C12orf76: variants seen among roughly 807,000 people sequenced by gnomAD.
C12orf76 encodes uncharacterized protein C12orf76.
C12orf76 carries 6 observed loss-of-function variants against 6.8 expected under a neutral mutation model. That is an observed-to-expected ratio of 0.88 (90% CI 0.48 to 1.73). The LOEUF (loss-of-function observed/expected upper bound fraction) is 1.73, where lower values mean the gene tolerates loss of function less well. Among genes scored for constraint, C12orf76 ranks in the 40% most tolerant of loss-of-function variants. C12orf76 has a pLI of 0.01. For missense variants in C12orf76, 99 were observed against 98.2 expected (o/e 1.01, Z -0.03); for synonymous variants, 56 against 43.7 (o/e 1.28, Z -1.11).
upstream of C12orf76, among the ~76,000 whole-genome samples, chr12:110,052,087 G>A (rs1892586635): frequency 2.0e-5 from 3 of 149,478 alleles, no homozygotes; most frequent in South Asian, 2.1e-4. Context: ...TAGTAGAGAC[G>A]GGGTTTCACC....
chr12:110,071,068 C>T (rs1254303450), upstream of C12orf76, among the ~76,000 whole-genome samples: 1 of 152,198 alleles, frequency 6.6e-6, no homozygotes, highest in African/African-American at 2.4e-5. Flanking sequence ...AGCCACCATG[C>T]CCGGCCCAGT....
intron 1 of C12orf76, chr12:110,067,461 T>C (rs1255983817): frequency 1.0e-6 from 1 of 985,314 alleles, no homozygotes; most frequent in Admixed American, 6.1e-5. Context: ...GAAGACCTTG[T>C]AACAGATCAC....
At chr12:110,070,357 A>C (rs1478111831), upstream of C12orf76, among the ~76,000 whole-genome samples, 1 of 152,204 alleles carries the variant, frequency 6.6e-6, no homozygotes, top group African/African-American at 2.4e-5. Context: ...TGAGGCCAGG[A>C]GTTTGAGACC....
intron 3 of C12orf76, chr12:110,057,304 T>C (rs1464421183): frequency 1.3e-6 from 2 of 1,595,346 alleles, no homozygotes; most frequent in Non-Finnish European, 1.7e-6. Context: ...CTCCTAAGGT[T>C]CCAGAGCAAA....
chr12:110,044,873 T>C (rs1892407425), intron 1 of C12orf76, among the ~76,000 whole-genome samples: 2 of 151,880 alleles, frequency 1.3e-5, no homozygotes, highest in East Asian at 3.9e-4. Context: ...CTTGGGAGGC[T>C]GAGGCAGGAG....
At chr12:110,066,231 G>C (rs1892856843) in intron 1 of C12orf76, among the ~76,000 whole-genome samples, 1 of 151,518 alleles carries the variant, frequency 6.6e-6, no homozygotes, top group Non-Finnish European at 1.5e-5. Context: ...AATTAGCCTG[G>C]TGTGGTGGCA....
chr12:110,067,564 C>T, exon 1 of C12orf76: 1 of 985,538 alleles, frequency 1.0e-6, no homozygotes, highest in Non-Finnish European at 1.2e-6. Context: ...GGATGTGGTT[C>T]AGTAGGGCTC....
chr12:110,057,378 C>T (rs1262928544), intron 3 of C12orf76: 5 of 874,170 alleles, frequency 5.7e-6, no homozygotes, highest in Non-Finnish European at 7.6e-6. Flanking sequence ...TCATGACTAA[C>T]CCAGGGCCAA....
chr12:110,043,111 G>C (rs1342054539), intron 1 of C12orf76, among the ~76,000 whole-genome samples: 1 of 151,952 alleles, frequency 6.6e-6, no homozygotes, highest in African/African-American at 2.4e-5. Context: ...TACGAGTGAG[G>C]CTCTGCAGGG....
At chr12:110,061,664 G>A (rs1325668129) in intron 2 of C12orf76, among the ~76,000 whole-genome samples, 2 of 151,818 alleles carry the variant, frequency 1.3e-5, no homozygotes, top group African/African-American at 2.4e-5. Flanking sequence ...AGCCTCCTGA[G>A]TAGCTGGGAT....
At chr12:110,048,594 C>G, upstream of C12orf76, 1 of 1,319,216 alleles carries the variant, frequency 7.6e-7, no homozygotes, top group Non-Finnish European at 9.6e-7. Flanking sequence ...GCCCTTAGGG[C>G]GCGCGTCATT....
chr12:110,051,352 G>T, upstream of C12orf76: 1 of 678,470 alleles, frequency 1.5e-6, no homozygotes, highest in South Asian at 1.6e-5. Flanking sequence ...AGGATCAAAT[G>T]ATATATGTCT....
chr12:110,069,312 C>A (rs995356058), upstream of C12orf76, among the ~76,000 whole-genome samples: 5 of 152,018 alleles, frequency 3.3e-5, no homozygotes, highest in Admixed American at 3.3e-4. Flanking sequence ...TGGTGGCGGG[C>A]GCCTGTAGTC....
chr12:110,065,645 G>A (rs1365506258), intron 2 of C12orf76, among the ~76,000 whole-genome samples: 2 of 152,104 alleles, frequency 1.3e-5, no homozygotes, highest in African/African-American at 4.8e-5. Flanking sequence ...TGCATCTGGT[G>A]ACTCCAGCAA....
In C12orf76 at chr12:110,042,272, T is replaced by G; in HGVS notation, c.*102A>C. 3.5e-6 allele frequency: 3 copies of G among 867,960 alleles called. No individual in the cohort carries two copies. In the Admixed American group the frequency reaches 5.6e-5, roughly 16 times the overall value. 53.8% of individuals were successfully genotyped at this position (867,960 alleles called of 1,614,324 possible). A position where few individuals can be genotyped will look rare whatever the true frequency, so the allele number is the denominator to read the frequency against. ...ATTTACCAACTGTCCAGACCAAAGG[T>G]CATTTCCAAGTAGGAAAGTTTTGGT... On this transcript the variant is annotated 3_prime_UTR_variant, in exon 2 of 2. Transcript: ENST00000615315.
chr12:110,064,871 A>C (rs893506818), intron 2 of C12orf76, among the ~76,000 whole-genome samples: 2 of 152,204 alleles, frequency 1.3e-5, no homozygotes, highest in Admixed American at 1.3e-4. Flanking sequence ...CGGTATCCCC[A>C]GTGGCCTGTG....
At chr12:110,044,973 C>T (rs970794910) in intron 1 of C12orf76, among the ~76,000 whole-genome samples, 2 of 150,552 alleles carry the variant, frequency 1.3e-5, no homozygotes, top group Admixed American at 1.3e-4. Context: ...AACTCCGTCT[C>T]AAAATAAAAA....
intron 1 of C12orf76, chr12:110,042,733 A>G: frequency 1.6e-6 from 1 of 628,932 alleles, no homozygotes; most frequent in East Asian, 2.7e-5. Flanking sequence ...AGAAGGGGGG[A>G]CAGTCAGGAA....
At chr12:110,048,780 C>T, upstream of C12orf76, 1 of 649,886 alleles carries the variant, frequency 1.5e-6, no homozygotes, top group South Asian at 6.7e-5. Context: ...TTCCCTCATC[C>T]ATTGGGGTCG....
Sources: gnomAD v4.1 joint callset for allele counts (sites outside exome capture counted in the v4.1 genomes callset) on GRCh38, gnomAD v4.1.1 for gene constraint, MANE v1.5 for transcripts, NCBI Gene and HGNC (gene_info 2026-07-23, HGNC 2026-07-21) for gene names.